Variants in ELP5 observed in about 807,000 individuals in gnomAD.
ELP5 encodes elongator complex protein 5.
ELP5 carries 34 observed loss-of-function variants against 33.4 expected under a neutral mutation model. The ratio of observed to expected loss-of-function variants is 1.02; its 90% CI spans 0.78 to 1.36. The LOEUF (loss-of-function observed/expected upper bound fraction) is 1.36, where lower values mean the gene tolerates loss of function less well. ELP5 is among the 40% of genes most tolerant of loss of function. The probability of loss-of-function intolerance (pLI) is 0.00; values close to 1 mark genes in which losing one functional copy is unlikely to be tolerated. For missense variants in ELP5, 373 were observed against 371.7 expected (o/e 1.00, Z -0.03); for synonymous variants, 161 against 146.4 (o/e 1.10, Z -0.72).
At chr17:7,256,250 G>C (rs1483304506) in intron 4 of ELP5, among the ~76,000 whole-genome samples, 1 of 152,194 alleles carries the variant, frequency 6.6e-6, no homozygotes. Flanking sequence ...TCAGGAGACT[G>C]AGGCAGTATT....
rs1441099023 is a variant in ELP5 at position 7,258,017 on chromosome 17, G to A, written c.592-571G>A. On this transcript the variant is annotated intron_variant, in intron 5 of 7. Coordinates refer to ENST00000396628, the MANE Select transcript of ELP5 (RefSeq NM_203414.3). ...TGGGAGGCGGAGGTTGAGGTGAGCC[G>A]AGATCATGCCACTACACTCCAGCCT... is the stretch of plus-strand genomic sequence containing the variant. Among the ~76,000 whole-genome samples the A allele has an allele frequency of 6.0e-5, 9 of 148,932 alleles. No homozygotes were observed. The East Asian group carries it at 8.2e-4, about 14-fold the overall frequency.
chr17:7,253,127 G>T lies in ELP5; in HGVS notation c.188+129G>T, dbSNP rs937808733. Reference sequence around the variant, plus strand: ...AATATTCATTGAAGAATTGGATATGGATCTTTCAGGAGGCAAGAATTAATA... The same window carrying T: ...AATATTCATTGAAGAATTGGATATGTATCTTTCAGGAGGCAAGAATTAATA... On this transcript the variant is annotated intron_variant, in intron 3 of 7. Coordinates refer to ENST00000396628, the MANE Select transcript of ELP5 (RefSeq NM_203414.3). The T allele has an allele frequency of 5.1e-5, 45 of 879,030 alleles. No individual in the cohort carries two copies. In the Middle Eastern group the frequency reaches 4.0e-3, roughly 78 times the overall value. The allele number at this position is 879,030 out of a possible 1,614,324, so 54.5% of individuals were successfully genotyped here. A position where few individuals can be genotyped will look rare whatever the true frequency, so the allele number is the denominator to read the frequency against.
chr17:7,257,531 A>G (rs2072105206), intron 5 of ELP5, among the ~76,000 whole-genome samples: 1 of 151,072 alleles, frequency 6.6e-6, no homozygotes, highest in East Asian at 2.1e-4. Flanking sequence ...CCCATGTTCA[A>G]GTGATCCTCC....
intron 5 of ELP5, among the ~76,000 whole-genome samples, chr17:7,257,929 A>T (rs2072113576): frequency 6.6e-6 from 1 of 151,918 alleles, no homozygotes. Flanking sequence ...TTAGCTGGGC[A>T]TAGTGGTGGG....
In ELP5 at chr17:7,259,818, G is replaced by A. The variant is rs548498221; in HGVS notation, c.*133G>A. 1,984 of 1,451,518 alleles carry A rather than the reference G, an allele frequency of 1.4e-3. 25 individuals are homozygous for A. The South Asian group carries it at 0.021, about 15-fold the overall frequency. 89.9% of individuals were successfully genotyped at this position (1,451,518 alleles called of 1,614,324 possible). On this transcript the variant is annotated 3_prime_UTR_variant, in exon 8 of 8. Coordinates refer to ENST00000396628, the MANE Select transcript of ELP5 (RefSeq NM_203414.3). ...TGGTTCCCCTTGTCTATGGAGCCCC[G>A]CCTTGTGAGCCAGGAAGCAGCGTCT...
chr17:7,257,492 G>A (rs541093486), intron 5 of ELP5, among the ~76,000 whole-genome samples: 2 of 150,540 alleles, frequency 1.3e-5, no homozygotes, highest in East Asian at 3.9e-4. Context: ...GTGCTGTGGT[G>A]CAATCATAAC....
chr17:7,254,926 G>T (rs761660323), intron 4 of ELP5, 123 bp downstream of exon 4: 90 of 722,566 alleles, frequency 1.2e-4, no homozygotes, highest in South Asian at 4.6e-4. Flanking sequence ...TCATTTTTTT[G>T]ACTTTTTTGT....
At chr17:7,259,379 G>A in intron 7 of ELP5, 192 bp from the exon 8 acceptor site, 1 of 1,428,608 alleles carries the variant, frequency 7.0e-7, no homozygotes, top group Non-Finnish European at 9.1e-7. Context: ...TAGGAGAGCA[G>A]TACAAGGGTA....
Position 7,252,406 on chromosome 17 carries a change from A to G in ELP5, c.-145A>G. On this transcript the variant is annotated 5_prime_UTR_variant, in exon 1 of 8. Coordinates refer to ENST00000396628, the MANE Select transcript of ELP5 (RefSeq NM_203414.3). Reference sequence around the variant, plus strand: ...GAGCGCCCCCCTGGGAATATTGAACATAATCACCTCTCATTCCAGACTATG... The same window carrying G: ...GAGCGCCCCCCTGGGAATATTGAACGTAATCACCTCTCATTCCAGACTATG... The G allele has an allele frequency of 3.1e-6, 4 of 1,297,076 alleles. No individual in the cohort carries two copies. Among genetic ancestry groups the G allele is most frequent in the Non-Finnish European group, 4.4e-6 (4 of 917,174 alleles). The allele number at this position is 1,297,076 out of a possible 1,614,324, so 80.3% of individuals were successfully genotyped here. A position where few individuals can be genotyped will look rare whatever the true frequency, so the allele number is the denominator to read the frequency against.
rs2072156985 is a variant in ELP5, at chr17:7,259,299, CA to C, written c.789-271del. 4 of 1,383,704 alleles carry C rather than the reference CA, an allele frequency of 2.9e-6. No individual in the cohort carries two copies. The East Asian group carries it at 1.1e-4, about 38-fold the overall frequency. The allele number at this position is 1,383,704 out of a possible 1,614,324, so 85.7% of individuals were successfully genotyped here. ...TAGTACACGCTTGCTGTTCTGTGCC[CA>C]GTATGTGGGCGGATGACGCAAGACT... On this transcript the variant is annotated intron_variant, in intron 7 of 7. Transcript: ENST00000396628.
At chr17:7,254,044 A>C (rs974001801) in intron 3 of ELP5, among the ~76,000 whole-genome samples, 1 of 151,606 alleles carries the variant, frequency 6.6e-6, no homozygotes, top group African/African-American at 2.4e-5. Context: ...TAGAAAAGAG[A>C]TATCTGGGAA....
At chr17:7,259,342 C>G (rs974241895) in intron 7 of ELP5, 3 of 1,398,390 alleles carry the variant, frequency 2.1e-6, no homozygotes, top group Non-Finnish European at 2.8e-6. Flanking sequence ...TCCTTGCCCT[C>G]AAGCTGCTAG....
At chr17:7,258,476 G>A in intron 5 of ELP5, 112 bp from the exon 6 acceptor site, 1 of 1,003,154 alleles carries the variant, frequency 1.0e-6, no homozygotes, top group African/African-American at 1.6e-5. Context: ...TTGAGGGCAG[G>A]AGCTGAAAGC....
intron 4 of ELP5, 46 bp from the exon 5 acceptor site, chr17:7,256,811 C>G (rs907942784): frequency 6.3e-7 from 1 of 1,599,094 alleles, no homozygotes; most frequent in Non-Finnish European, 8.6e-7. Flanking sequence ...CCCAGGCCAC[C>G]AACCTGAATG....
rs981611886 is a variant in ELP5, at chr17:7,252,385, GC to G, written c.-160del. ...GGGGAGGGGCGCCCTCCGCGTGAGC[GC>G]CCCCCTGGGAATATTGAACATAATC... On this transcript the variant is annotated 5_prime_UTR_variant, in exon 1 of 8. Coordinates refer to ENST00000396628, the MANE Select transcript of ELP5 (RefSeq NM_203414.3). 9 of 1,054,964 alleles carry G rather than the reference GC, an allele frequency of 8.5e-6. No individual in the cohort carries two copies. Among genetic ancestry groups the G allele is most frequent in the Admixed American group, 2.1e-5 (1 of 47,686 alleles). 65.4% of individuals were successfully genotyped at this position (1,054,964 alleles called of 1,614,324 possible). A position where few individuals can be genotyped will look rare whatever the true frequency, so the allele number is the denominator to read the frequency against.
In ELP5 at chr17:7,252,607, G is replaced by A; in HGVS notation, c.46+11G>A. On this transcript the variant is annotated intron_variant, in intron 1 of 7. Transcript: ENST00000396628. ...TGGTGCTGCTTCGGGGTGAGAGCCA[G>A]AGGCACGGTGGCGGGGCGGGGGGTG... is the stretch of plus-strand genomic sequence containing the variant. 6.2e-7 allele frequency: 1 copy of A among 1,611,010 alleles called. No individual in the cohort carries two copies. Among genetic ancestry groups the A allele is most frequent in the Non-Finnish European group, 8.5e-7 (1 of 1,179,036 alleles).
chr17:7,254,115 C>T (rs988723317), intron 3 of ELP5, among the ~76,000 whole-genome samples: 1 of 152,072 alleles, frequency 6.6e-6, no homozygotes, highest in Non-Finnish European at 1.5e-5. Flanking sequence ...GTAGTTGTTA[C>T]TTCTTGACTT....
rs958966769 is a variant in ELP5 at position 7,254,723 on chromosome 17, T to G, written c.329T>G (p.Leu110Arg). Residue 110 changes from leucine (L) to arginine (R), a missense_variant, in exon 4 of 8, where the codon CTC becomes CGC. Coordinates refer to ENST00000396628, the MANE Select transcript of ELP5 (RefSeq NM_203414.3). ...PVPVTIALDS[L>R]SWLLLRLPCT... ...CCTGTCACCATTGCTCTCGATTCAC[T>G]CAGCTGGCTGCTACTTCGCCTTCCC... The G allele has an allele frequency of 1.9e-6, 3 of 1,614,086 alleles. No individual in the cohort carries two copies. Among genetic ancestry groups the G allele is most frequent in the East Asian group, 2.2e-5 (1 of 44,880 alleles).
chr17:7,252,705 C>T, intron 1 of ELP5, 65 bp from the exon 2 acceptor site: 1 of 1,611,790 alleles, frequency 6.2e-7, no homozygotes. Flanking sequence ...GTGGAAATCG[C>T]GACGGGTTCG....
Sources: gnomAD v4.1 joint callset for allele counts (sites outside exome capture counted in the v4.1 genomes callset) on GRCh38, gnomAD v4.1.1 for gene constraint, MANE v1.5 for transcripts, NCBI Gene and HGNC (gene_info 2026-07-23, HGNC 2026-07-21) for gene names.